Variants in ESYT2 observed in about 807,000 individuals in gnomAD.
The protein encoded by ESYT2 is extended synaptotagmin 2, also known as extended synaptotagmin-2.
A neutral mutation model predicts 107.2 loss-of-function variants in ESYT2; 54 were observed. The observed-to-expected ratio is 0.50, with a 90% CI of 0.40 to 0.63. The LOEUF (loss-of-function observed/expected upper bound fraction) is 0.63, where lower values mean the gene tolerates loss of function less well. Among genes scored for constraint, ESYT2 ranks in the 30% least tolerant of loss-of-function variants. The pLI is 0.00. For missense variants in ESYT2, 1,020 were observed against 1,094.5 expected, an observed-to-expected ratio of 0.93 and a Z score of 0.96; for synonymous variants, 491 against 434.1, an observed-to-expected ratio of 1.13 and a Z score of -1.63.
At chr7:158,823,868 G>A (rs886277153) in intron 1 of ESYT2, among the ~76,000 whole-genome samples, 1 of 151,902 alleles carries the variant, frequency 6.6e-6, no homozygotes, top group Admixed American at 6.6e-5. Flanking sequence ...TTATGAATAC[G>A]TACTTATAAA....
chr7:158,747,570 C>T (rs543328880), intron 16 of ESYT2, among the ~76,000 whole-genome samples: 2 of 152,250 alleles, frequency 1.3e-5, no homozygotes, highest in African/African-American at 4.8e-5. Flanking sequence ...ACAGCACTGG[C>T]GAGATGTGGG....
chr7:158,734,024 C>T lies in ESYT2; in HGVS notation c.*183G>A, dbSNP rs1836831343. 4.4e-6 allele frequency: 3 copies of T among 684,012 alleles called. No individual in the cohort carries two copies. The highest frequency in any genetic ancestry group is 3.0e-5 in the Admixed American group (1 of 33,410). The allele number at this position is 684,012 out of a possible 1,614,324, so 42.4% of individuals were successfully genotyped here. A position where few individuals can be genotyped will look rare whatever the true frequency, so the allele number is the denominator to read the frequency against. On this transcript the variant is annotated 3_prime_UTR_variant, in exon 23 of 23. Transcript: ENST00000275418. ...GCGAAATCCTAGAGGAAATCCAACA[C>T]AGAAAATTCAATGATAATATTGGCC...
At chr7:158,758,956 C>A (rs1207223750) in intron 13 of ESYT2, among the ~76,000 whole-genome samples, 1 of 152,178 alleles carries the variant, frequency 6.6e-6, no homozygotes, top group East Asian at 1.9e-4. Context: ...TTGTATCTGG[C>A]AGTAGGTCAT....
At chr7:158,790,232 A>C (rs543397531) in intron 4 of ESYT2, among the ~76,000 whole-genome samples, 2 of 152,356 alleles carry the variant, frequency 1.3e-5, no homozygotes, top group African/African-American at 4.8e-5. Flanking sequence ...CTTGGTACCA[A>C]CTTTGTACAT....
chr7:158,802,535 G>T (rs1839676269), intron 1 of ESYT2, among the ~76,000 whole-genome samples: 1 of 152,116 alleles, frequency 6.6e-6, no homozygotes, highest in South Asian at 2.1e-4. Flanking sequence ...TCTGCCTCGG[G>T]CTCTAAAAGT....
chr7:158,768,949 T>A (rs1281228955), intron 7 of ESYT2, among the ~76,000 whole-genome samples: 1 of 152,224 alleles, frequency 6.6e-6, no homozygotes, highest in African/African-American at 2.4e-5. Flanking sequence ...GGCAGCACTT[T>A]TAAACACATT....
chr7:158,811,312 G>T (rs1482010600), intron 1 of ESYT2, among the ~76,000 whole-genome samples: 1 of 152,120 alleles, frequency 6.6e-6, no homozygotes, highest in Non-Finnish European at 1.5e-5. Flanking sequence ...AGGACCCAAA[G>T]TAAATCAGTG....
intron 6 of ESYT2, among the ~76,000 whole-genome samples, chr7:158,777,748 G>A (rs980540521): frequency 6.6e-6 from 1 of 152,160 alleles, no homozygotes; most frequent in Non-Finnish European, 1.5e-5. Flanking sequence ...ATAGCGGTGT[G>A]AGAATGTACT....
At chr7:158,749,371 G>A (rs1239479904) in intron 15 of ESYT2, among the ~76,000 whole-genome samples, 5 of 151,978 alleles carry the variant, frequency 3.3e-5, no homozygotes, top group East Asian at 3.9e-4. Flanking sequence ...TCCCTGCCTC[G>A]GCCTCCCAAA....
Position 158,741,630 on chromosome 7 carries a change from G to A in ESYT2, c.2061C>T (p.Ala687=), listed in dbSNP as rs1301064678. The change falls in exon 18 of 23, where the codon GCC becomes GCT. Residue 687 remains alanine, a synonymous_variant. Coordinates refer to ENST00000275418, the MANE Select transcript of ESYT2 (RefSeq NM_001367773.1). ...CCTTGACTGAGATGTGGCCTGGGGA[G>A]GCCAGGAGGCTGGAGGAGCTTCTGC... ...DLGRSSSSLL[A]SPGHISVKEP... 7.4e-6 allele frequency: 12 copies of A among 1,613,362 alleles called. No homozygotes were observed. The South Asian group carries it at 1.1e-4, about 15-fold the overall frequency.
At chr7:158,759,639 T>A in intron 12 of ESYT2, 58 bp from the exon 13 acceptor site, 8 of 1,356,142 alleles carry the variant, frequency 5.9e-6, no homozygotes, top group Non-Finnish European at 7.2e-6. Flanking sequence ...AGATACTATT[T>A]CTATCTGATT....
chr7:158,775,119 C>T (rs1408562618), intron 6 of ESYT2, among the ~76,000 whole-genome samples: 1 of 152,078 alleles, frequency 6.6e-6, no homozygotes, highest in Non-Finnish European at 1.5e-5. Context: ...TTTTTGGTTT[C>T]CCAAGGCATA....
intron 16 of ESYT2, among the ~76,000 whole-genome samples, chr7:158,746,186 G>A (rs764264039): frequency 6.6e-6 from 1 of 151,712 alleles, no homozygotes; most frequent in Non-Finnish European, 1.5e-5. Flanking sequence ...TTCGAGACCA[G>A]CCTGGGCAAT....
intron 13 of ESYT2, among the ~76,000 whole-genome samples, chr7:158,753,464 T>C (rs534777480): frequency 6.6e-4 from 100 of 152,298 alleles, no homozygotes; most frequent in Non-Finnish European, 1.2e-3. Flanking sequence ...TTCCAATTCA[T>C]TAGTTTCTTG....
intron 14 of ESYT2, among the ~76,000 whole-genome samples, chr7:158,750,271 G>A (rs1280567459): frequency 2.0e-5 from 3 of 151,906 alleles, no homozygotes; most frequent in Non-Finnish European, 4.4e-5. Flanking sequence ...ATAATCATCA[G>A]TTTAGAATCA....
At chr7:158,746,416 G>A (rs1043808802) in intron 16 of ESYT2, among the ~76,000 whole-genome samples, 29 of 151,842 alleles carry the variant, frequency 1.9e-4, no homozygotes, top group East Asian at 7.8e-4. Flanking sequence ...AGGCTGAGGC[G>A]GGAGGATTGC....
At chr7:158,781,767 G>T (rs1196057277) in intron 6 of ESYT2, among the ~76,000 whole-genome samples, 1 of 152,070 alleles carries the variant, frequency 6.6e-6, no homozygotes, top group Non-Finnish European at 1.5e-5. Context: ...AGATGTGAGT[G>T]TAAGAACGAG....
At chr7:158,769,683 T>A (rs116873627) in intron 7 of ESYT2, among the ~76,000 whole-genome samples, 3,704 of 152,284 alleles carry the variant, frequency 0.024, 51 homozygotes, top group Non-Finnish European at 0.036. Context: ...TTAATCATAA[T>A]TTTCACCCTT....
intron 11 of ESYT2, among the ~76,000 whole-genome samples, chr7:158,761,191 C>T (rs1837946869): frequency 1.3e-5 from 2 of 152,174 alleles, no homozygotes; most frequent in Admixed American, 1.3e-4. Context: ...CACAGCCCTG[C>T]CCTTACTCCT....
Sources: allele counts gnomAD v4.1 joint callset (sites outside exome capture counted in the v4.1 genomes callset), GRCh38; gene constraint gnomAD v4.1.1; transcripts MANE v1.5; gene names NCBI Gene and HGNC (gene_info 2026-07-23, HGNC 2026-07-21).